The following NDC80 variants were observed in gnomAD, a reference collection of about 807,000 sequenced individuals.
NDC80 encodes kinetochore protein NDC80 homolog.
NDC80 carries 69 observed loss-of-function variants against 89.3 expected under a neutral mutation model. The observed-to-expected ratio is 0.77, with a 90% CI of 0.64 to 0.94. The LOEUF is 0.94. Among genes scored for constraint, NDC80 ranks in the 40% least tolerant of loss-of-function variants. NDC80 has a pLI of 0.00. For synonymous variants in NDC80, 243 were observed against 255.6 expected, an observed-to-expected ratio of 0.95 and a Z score of 0.47; for missense variants, 593 against 739.6, an observed-to-expected ratio of 0.80 and a Z score of 2.30.
rs2072650951 is a variant in NDC80 at position 2,595,628 on chromosome 18, CA to C, written c.1221+8del. 4 of 1,611,148 alleles carry C rather than the reference CA, an allele frequency of 2.5e-6. No homozygotes were observed. Among genetic ancestry groups the C allele is most frequent in the Non-Finnish European group, 3.4e-6 (4 of 1,178,128 alleles). On this transcript the variant is annotated splice_region_variant and intron_variant, in intron 11 of 16. Transcript: ENST00000261597. ...TGCCAGAGGCAAAGAAGCGGTATGT[CA>C]TACCATTTCCAGAGTGGCAACTCAT...
At chr18:2,579,089 A>T (rs2072563148) in intron 6 of NDC80, 60 bp downstream of exon 6, 4 of 1,007,998 alleles carry the variant, frequency 4.0e-6, no homozygotes, top group African/African-American at 1.7e-5. Flanking sequence ...CTCAAAAAAA[A>T]TATTTTCTCT....
intron 12 of NDC80, 118 bp downstream of exon 12, chr18:2,599,289 G>A (rs976959667): frequency 3.7e-5 from 27 of 727,006 alleles, no homozygotes; most frequent in Admixed American, 2.7e-4. Context: ...CACTGAAACT[G>A]TATCTTCTTT....
chr18:2,609,778 G>A (rs2072732805), intron 15 of NDC80, among the ~76,000 whole-genome samples: 1 of 152,158 alleles, frequency 6.6e-6, no homozygotes, highest in South Asian at 2.1e-4. Flanking sequence ...CATTACATAT[G>A]CAGTGCACTG....
At chr18:2,577,542 A>G (rs1001579583) in intron 3 of NDC80, among the ~76,000 whole-genome samples, 5 of 152,156 alleles carry the variant, frequency 3.3e-5, no homozygotes, top group African/African-American at 9.7e-5. Context: ...GCCTCGTTTT[A>G]CATCCTTATC....
chr18:2,577,796 C>T lies in NDC80; in HGVS notation c.230C>T (p.Ser77Phe). The part of the protein sequence containing the change: ...RNSQLGIFSS[S>F]EKIKDPRPLN... ...AGTCAACTTGGTATATTTTCCAGTT[C>T]TGAGAAAATCAAGGACCCGAGACCA... Residue 77 changes from serine (S) to phenylalanine (F), a missense_variant, in exon 4 of 17, where the codon TCT becomes TTT. Ser to Phe is a radical substitution (Grantham distance 155, BLOSUM62 -2). Coordinates refer to ENST00000261597, the MANE Select transcript of NDC80 (RefSeq NM_006101.3). The T allele has an allele frequency of 6.2e-7, 1 of 1,613,996 alleles. No homozygotes were observed. Among genetic ancestry groups the T allele is most frequent in the South Asian group, 1.1e-5 (1 of 91,076 alleles).
intron 1 of NDC80, 147 bp from the exon 2 acceptor site, chr18:2,572,830 G>A: frequency 1.6e-6 from 1 of 614,430 alleles, no homozygotes; most frequent in South Asian, 2.2e-5. Context: ...CAGTGTACAT[G>A]AACAAAAAAG....
chr18:2,574,577 G>A (rs1304273810), intron 2 of NDC80, among the ~76,000 whole-genome samples: 2 of 151,922 alleles, frequency 1.3e-5, no homozygotes, highest in African/African-American at 4.8e-5. Flanking sequence ...TATGTTCTGT[G>A]TCTTTGGGCT....
At chr18:2,607,998 T>TATATATATATATATAA (rs771183596) in intron 14 of NDC80, among the ~76,000 whole-genome samples, 6 of 126,914 alleles carry the variant, frequency 4.7e-5, no homozygotes, top group Non-Finnish European at 6.7e-5. Flanking sequence ...TATATATATA[T>TATATATATATATATAA]AACTTATTTA....
chr18:2,585,039 A>C, intron 6 of NDC80, 74 bp from the exon 7 acceptor site: 1 of 1,128,632 alleles, frequency 8.9e-7, no homozygotes, highest in Non-Finnish European at 1.3e-6. Context: ...ATTGACACTG[A>C]AAACAGAATT....
intron 13 of NDC80, among the ~76,000 whole-genome samples, chr18:2,604,520 A>T (rs1187626647): frequency 2.0e-5 from 3 of 152,182 alleles, no homozygotes; most frequent in African/African-American, 7.2e-5. Flanking sequence ...AGCCACTACC[A>T]AAAATATAAA....
rs1383254531 is a variant in NDC80, at chr18:2,577,856, G to A, written c.290G>A (p.Arg97Gln). 6 of 1,613,804 alleles carry A rather than the reference G, an allele frequency of 3.7e-6. No individual in the cohort carries two copies. Among genetic ancestry groups the A allele is most frequent in the African/African-American group, 2.7e-5 (2 of 74,912 alleles). ...AAAGCATTCATTCAGCAGTGTATTCGACAACTCTGTGAGGTACTTTAGGAT... is the reference window on the plus strand; with the variant it reads ...AAAGCATTCATTCAGCAGTGTATTCAACAACTCTGTGAGGTACTTTAGGAT... ...NDKAFIQQCI[R>Q]QLCEFLTENG... Residue 97 changes from arginine (R) to glutamine (Q), a missense_variant, in exon 4 of 17, where the codon CGA (arginine) becomes CAA (glutamine). Physicochemically the swap from Arg to Gln is conservative, Grantham distance 43. Transcript: ENST00000261597.
rs2072728498 is a variant in NDC80, at chr18:2,608,837, T to G, written c.1688+7T>G. On this transcript the variant is annotated splice_region_variant and intron_variant, in intron 15 of 16. Transcript: ENST00000261597. ...TAGATGCTGTTCAGCGGGAGTAAGT[T>G]TATCTCACCAAGATTTATACGTTTA... The G allele has an allele frequency of 1.3e-6, 2 of 1,599,672 alleles. No individual in the cohort carries two copies. Among genetic ancestry groups the G allele is most frequent in the African/African-American group, 2.7e-5 (2 of 74,746 alleles).
intron 16 of NDC80, among the ~76,000 whole-genome samples, chr18:2,612,358 C>T (rs2072750257): frequency 7.5e-6 from 1 of 132,464 alleles, no homozygotes; most frequent in Non-Finnish European, 1.5e-5. Context: ...GGCGCGATCT[C>T]GGCTCACTGC....
intron 16 of NDC80, 88 bp from the exon 17 acceptor site, chr18:2,616,349 T>C: frequency 5.2e-6 from 5 of 968,974 alleles, no homozygotes; most frequent in Non-Finnish European, 7.3e-6. Context: ...CTTAAAAATG[T>C]TATCCTCTTG....
chr18:2,581,355 C>G (rs2072577129), intron 6 of NDC80, among the ~76,000 whole-genome samples: 1 of 152,082 alleles, frequency 6.6e-6, no homozygotes, highest in South Asian at 2.1e-4. Context: ...GTATCACAGT[C>G]CCATTTATGG....
chr18:2,616,022 T>A (rs2072782137), intron 16 of NDC80, among the ~76,000 whole-genome samples: 1 of 152,068 alleles, frequency 6.6e-6, no homozygotes, highest in Non-Finnish European at 1.5e-5. Context: ...AATACAAATA[T>A]ATTCTTTTTA....
intron 6 of NDC80, among the ~76,000 whole-genome samples, chr18:2,583,031 A>G (rs2072586067): frequency 6.6e-6 from 1 of 152,190 alleles, no homozygotes; most frequent in African/African-American, 2.4e-5. Context: ...CTTGGACCTG[A>G]CTTATCCCAG....
intron 9 of NDC80, among the ~76,000 whole-genome samples, chr18:2,589,570 A>G (rs1225565078): frequency 6.6e-6 from 1 of 152,214 alleles, no homozygotes; most frequent in African/African-American, 2.4e-5. Flanking sequence ...TAAGATCAAA[A>G]GTACTTTTGA....
rs566732963 is a variant in NDC80, at chr18:2,574,866, T to C, written c.102-123T>C. 8.4e-5 allele frequency: 55 copies of C among 655,878 alleles called. No homozygotes were observed. In the African/African-American group the frequency reaches 9.3e-4, roughly 11 times the overall value. 40.6% of individuals were successfully genotyped at this position (655,878 alleles called of 1,614,324 possible). On this transcript the variant is annotated intron_variant, in intron 2 of 16. Coordinates refer to ENST00000261597, the MANE Select transcript of NDC80 (RefSeq NM_006101.3). ...AGCTTTCATGACTGCTAAACATTTTTATGATTTTTGAATTATTTTTATAGC... is the reference window on the plus strand; with the variant it reads ...AGCTTTCATGACTGCTAAACATTTTCATGATTTTTGAATTATTTTTATAGC...
Sources: gnomAD v4.1 joint callset for allele counts (sites outside exome capture counted in the v4.1 genomes callset) on GRCh38, gnomAD v4.1.1 for gene constraint, MANE v1.5 for transcripts, NCBI Gene and HGNC (gene_info 2026-07-23, HGNC 2026-07-21) for gene names.